The following CFAP61 variants were observed in gnomAD, a reference collection of about 807,000 sequenced individuals.
CFAP61 encodes cilia and flagella associated protein 61, also known as cilia- and flagella-associated protein 61.
Under a neutral mutation model 135.6 loss-of-function variants are expected in CFAP61, and 107 were observed. The ratio of observed to expected loss-of-function variants is 0.79; its 90% confidence interval spans 0.67 to 0.93. The LOEUF (loss-of-function observed/expected upper bound fraction) is 0.93. Ranked by LOEUF, CFAP61 falls within the 40% of genes least tolerant of loss-of-function variation. The pLI is 0.00. For missense variants in CFAP61, 1,507 were observed against 1,556.2 expected, an observed-to-expected ratio of 0.97 and a Z score of 0.53; for synonymous variants, 575 against 578.5, an observed-to-expected ratio of 0.99 and a Z score of 0.09.
intron 17 of CFAP61, among the ~76,000 whole-genome samples, chr20:20,207,679 C>T (rs1266397176): frequency 6.6e-6 from 1 of 152,174 alleles, no homozygotes; most frequent in South Asian, 2.1e-4. Context: ...GCTGCAGATA[C>T]TGACTAGAGA....
Position 20,323,251 on chromosome 20 carries a change from C to T in CFAP61, c.3423-18580C>T, listed in dbSNP as rs76514322. ...GAAAGGCACTGGAGAAGTTATTCAG[C>T]CTTCGTCTTCGATTTTTCTAAAAAA... On this transcript the variant is annotated intron_variant, in intron 25 of 26. Coordinates refer to ENST00000245957, the MANE Select transcript of CFAP61 (RefSeq NM_015585.4). The T allele has an allele frequency of 1.9e-3, 1,900 of 985,404 alleles. 30 individuals are homozygous for T. In the African/African-American group the frequency reaches 0.031, roughly 16 times the overall value. 61.0% of individuals were successfully genotyped at this position (985,404 alleles called of 1,614,324 possible).
Position 20,075,266 on chromosome 20 carries a change from G to T in CFAP61, c.439+10G>T. 5 of 1,613,302 alleles carry T rather than the reference G, an allele frequency of 3.1e-6. No homozygotes were observed. The highest frequency in any genetic ancestry group is 4.2e-6 in the Non-Finnish European group (5 of 1,179,342). On this transcript the variant is annotated intron_variant, in intron 5 of 26. Transcript: ENST00000245957. ...TCCTACATGAGCCTAGGTAAGGCCC[G>T]CCCAACCACCTCTGGTCCCCGGTAG...
chr20:20,171,240 A>G (rs1342305760), intron 13 of CFAP61, among the ~76,000 whole-genome samples: 29 of 152,208 alleles, frequency 1.9e-4, no homozygotes. Context: ...CCTAAACACA[A>G]CTGCCTTGAG....
chr20:20,282,728 C>A (rs1163684364), intron 22 of CFAP61, among the ~76,000 whole-genome samples: 1 of 152,142 alleles, frequency 6.6e-6, no homozygotes, highest in African/African-American at 2.4e-5. Context: ...CACTTGAGGT[C>A]AGGAGTTCAA....
intron 18 of CFAP61, among the ~76,000 whole-genome samples, chr20:20,239,103 G>T (rs1458365721): frequency 6.6e-6 from 1 of 152,076 alleles, no homozygotes; most frequent in Admixed American, 6.6e-5. Context: ...TTCATCAAAT[G>T]CATGCCCAAA....
intron 8 of CFAP61, among the ~76,000 whole-genome samples, chr20:20,102,259 G>T (rs1329134470): frequency 6.6e-6 from 1 of 152,200 alleles, no homozygotes; most frequent in Non-Finnish European, 1.5e-5. Context: ...ATTTGCCTCT[G>T]AGGCAAGTGA....
chr20:20,137,906 G>GA (rs1323008760), intron 8 of CFAP61, among the ~76,000 whole-genome samples: 3 of 152,152 alleles, frequency 2.0e-5, no homozygotes, highest in African/African-American at 7.2e-5. Flanking sequence ...GGCCCATGGC[G>GA]AGTACTACCT....
chr20:20,055,015 GT>G (rs1466682016), intron 1 of CFAP61, among the ~76,000 whole-genome samples: 1 of 151,944 alleles, frequency 6.6e-6, no homozygotes, highest in Non-Finnish European at 1.5e-5. Context: ...TGTATTTTCT[GT>G]TTCTATGTGC....
chr20:20,166,737 G>T (rs972703085), intron 12 of CFAP61, among the ~76,000 whole-genome samples: 1 of 38,472 alleles, frequency 2.6e-5, no homozygotes, highest in Non-Finnish European at 6.7e-5. Flanking sequence ...TAAAGTGAAT[G>T]ACACTGTTAT....
intron 6 of CFAP61, among the ~76,000 whole-genome samples, chr20:20,088,000 A>G (rs2046927717): frequency 1.3e-5 from 2 of 152,192 alleles, no homozygotes; most frequent in South Asian, 4.1e-4. Flanking sequence ...ACAAGTGGTC[A>G]AGGCCCTACC....
At chr20:20,069,705 G>A (rs2045570928) in intron 2 of CFAP61, 2 of 455,658 alleles carry the variant, frequency 4.4e-6, no homozygotes, top group South Asian at 1.6e-5. Context: ...GGGATTAAAA[G>A]TGATTTTCCA....
At chr20:20,132,008 AC>A (rs1249773434) in intron 8 of CFAP61, among the ~76,000 whole-genome samples, 3 of 152,118 alleles carry the variant, frequency 2.0e-5, no homozygotes, top group Non-Finnish European at 4.4e-5. Context: ...TAGATGTTGT[AC>A]AGCAGATCTC....
At position 20,233,356 on chromosome 20, in the gene CFAP61, G is replaced by C. The variant is rs376949241; in HGVS notation, c.2060+4980G>C. 3.0e-4 allele frequency among the ~76,000 whole-genome samples: 46 copies of C among 152,320 alleles called. No individual in the cohort carries two copies. The South Asian group carries it at 9.1e-3, about 30-fold the overall frequency. On this transcript the variant is annotated intron_variant, in intron 18 of 26. Transcript: ENST00000245957. ...GTGATTGTGACTCCCCGTCCTGTCG[G>C]TCTCTGCACGTGTGCGCCTCGCAAT...
At chr20:20,139,319 G>A (rs990707516) in intron 8 of CFAP61, among the ~76,000 whole-genome samples, 3 of 152,230 alleles carry the variant, frequency 2.0e-5, no homozygotes, top group Admixed American at 1.3e-4. Flanking sequence ...GTGCTGGGAA[G>A]ATGCCTGAAC....
chr20:20,120,407 G>C (rs1024251759), intron 8 of CFAP61, among the ~76,000 whole-genome samples: 2 of 152,044 alleles, frequency 1.3e-5, no homozygotes, highest in African/African-American at 4.8e-5. Flanking sequence ...GAAAATGATT[G>C]TTTAATTTCT....
In CFAP61 at chr20:20,169,406, A is replaced by C. The variant is rs765633880; in HGVS notation, c.1331A>C (p.Asn444Thr). Residue 444 changes from asparagine to threonine, a missense_variant, in exon 13 of 27, where the codon AAC (asparagine) becomes ACC (threonine). Transcript: ENST00000245957. ...IQNFVKMVPF[N>T]TCTLEQDLYV... ...AACTTCGTGAAAATGGTCCCTTTCA[A>C]CACCTGCACCCTCGAGCAGGACCTC... The C allele has an allele frequency of 6.2e-7, 1 of 1,614,016 alleles. No individual in the cohort carries two copies. The highest frequency in any genetic ancestry group is 8.5e-7 in the Non-Finnish European group (1 of 1,179,964).
intron 25 of CFAP61, among the ~76,000 whole-genome samples, chr20:20,313,715 TGTA>T (rs1274540038): frequency 6.6e-6 from 1 of 152,220 alleles, no homozygotes; most frequent in Non-Finnish European, 1.5e-5. Flanking sequence ...TTTGTGTTGC[TGTA>T]GTAGAATACC....
chr20:20,328,642 G>A (rs867962947), intron 25 of CFAP61, among the ~76,000 whole-genome samples: 63 of 152,124 alleles, frequency 4.1e-4, no homozygotes, highest in Admixed American at 3.7e-3. Flanking sequence ...ACTTCTGATA[G>A]GGGGTTAATA....
At chr20:20,304,328 G>T (rs1442204999) in intron 25 of CFAP61, among the ~76,000 whole-genome samples, 2 of 149,936 alleles carry the variant, frequency 1.3e-5, no homozygotes, top group Non-Finnish European at 3.0e-5. Context: ...GAGAGAGAGA[G>T]AATTTGATCA....
Sources: gnomAD v4.1 joint callset for allele counts (sites outside exome capture counted in the v4.1 genomes callset) on GRCh38, gnomAD v4.1.1 for gene constraint, MANE v1.5 for transcripts, NCBI Gene and HGNC (gene_info 2026-07-23, HGNC 2026-07-21) for gene names.